The following RBPJ variants were observed in gnomAD, a reference collection of about 807,000 sequenced individuals.
RBPJ encodes recombining binding protein suppressor of hairless.
A neutral mutation model predicts 67.8 loss-of-function variants in RBPJ; 9 were observed. The ratio of observed to expected loss-of-function variants is 0.13; its 90% CI spans 0.08 to 0.23. The LOEUF (loss-of-function observed/expected upper bound fraction) is 0.23, where lower values mean the gene tolerates loss of function less well. Among genes scored for constraint, RBPJ ranks in the 10% least tolerant of loss-of-function variants. The pLI, the probability that RBPJ is intolerant of heterozygous loss-of-function variation, is 1.00. For missense variants in RBPJ, 305 were observed against 595.6 expected (o/e 0.51, Z 5.08); for synonymous variants, 198 against 203.3 (o/e 0.97, Z 0.22).
intron 1 of RBPJ, among the ~76,000 whole-genome samples, chr4:26,301,358 T>C (rs1722068988): frequency 6.6e-6 from 1 of 152,106 alleles, no homozygotes; most frequent in East Asian, 1.9e-4. Flanking sequence ...TTTGGGAGGC[T>C]GAGGTGGGCG....
At chr4:26,409,110 G>A (rs1480551829) in intron 3 of RBPJ, among the ~76,000 whole-genome samples, 1 of 152,184 alleles carries the variant, frequency 6.6e-6, no homozygotes, top group African/African-American at 2.4e-5. Flanking sequence ...TGGCTATTGT[G>A]TGCTAGGTTT....
At chr4:26,287,598 G>A (rs1399856500) in intron 1 of RBPJ, among the ~76,000 whole-genome samples, 226 of 10,230 alleles carry the variant, frequency 0.022, 18 homozygotes, top group African/African-American at 0.088. Context: ...GGAGAGGGGA[G>A]GGGAGGGGAG....
intron 1 of RBPJ, among the ~76,000 whole-genome samples, chr4:26,165,013 C>T: frequency 6.6e-6 from 1 of 151,988 alleles, no homozygotes; most frequent in East Asian, 1.9e-4. Context: ...TAGTATTATA[C>T]TGTATTTAGC....
intron 2 of RBPJ, among the ~76,000 whole-genome samples, chr4:26,392,298 A>C (rs935420215): frequency 2.6e-5 from 4 of 152,236 alleles, no homozygotes; most frequent in African/African-American, 9.6e-5. Flanking sequence ...CATATGGCCT[A>C]GTTATTCCAT....
chr4:26,255,684 C>G (rs146636488), intron 1 of RBPJ, among the ~76,000 whole-genome samples: 2,280 of 151,488 alleles, frequency 0.015, 81 homozygotes, highest in African/African-American at 0.052. Context: ...TGCCTGTAGT[C>G]CCAGCTACGC....
chr4:26,172,437 G>A (rs4315771), intron 1 of RBPJ, among the ~76,000 whole-genome samples: 48,628 of 152,046 alleles, frequency 0.32, 8,592 homozygotes, highest in East Asian at 0.5. Flanking sequence ...TGCCACGGGC[G>A]ATCTAGCAGC....
chr4:26,431,184 TAAAAAAAAAAAAAA>T lies in RBPJ; in HGVS notation c.*191_*204del, dbSNP rs897964346. 1.5e-4 allele frequency: 6 copies of T among 40,798 alleles called. No individual in the cohort carries two copies. Among genetic ancestry groups the T allele is most frequent in the Middle Eastern group, 0.016 (1 of 64 alleles). 2.5% of individuals were successfully genotyped at this position (40,798 alleles called of 1,614,324 possible). A position where few individuals can be genotyped will look rare whatever the true frequency, so the allele number is the denominator to read the frequency against. On this transcript the variant is annotated 3_prime_UTR_variant, in exon 11 of 11. Transcript: ENST00000355476. ...CTGATTTGAAATGCAGAAGCCACAG[TAAAAAAAAAAAAAA>T]AAAAAAAAAAAAAGAAAAAAAAATC... is the stretch of plus-strand genomic sequence containing the variant.
At chr4:26,407,279 A>G (rs1424194973) in intron 3 of RBPJ, among the ~76,000 whole-genome samples, 2 of 152,206 alleles carry the variant, frequency 1.3e-5, no homozygotes, top group Non-Finnish European at 2.9e-5. Context: ...TGGAATGATT[A>G]TAAAGAAAAC....
intron 3 of RBPJ, among the ~76,000 whole-genome samples, chr4:26,408,079 C>G (rs116377659): frequency 6.6e-6 from 1 of 151,318 alleles, no homozygotes; most frequent in Admixed American, 6.6e-5. Flanking sequence ...TTCACTATGC[C>G]GTCCAGGCTG....
At chr4:26,289,384 C>CAAAAAAAAAAAAAAAAAAAAAAAAA (rs60159669) in intron 1 of RBPJ, among the ~76,000 whole-genome samples, 8 of 78,334 alleles carry the variant, frequency 1.0e-4, no homozygotes, top group African/African-American at 2.4e-4. Context: ...GACTTGGTCT[C>CAAAAAAAAAAAAAAAAAAAAAAAAA]AAAAAAAAAA....
chr4:26,143,044 A>T, the RBPJ span, among the ~76,000 whole-genome samples: 1 of 152,246 alleles, frequency 6.6e-6, no homozygotes, highest in Non-Finnish European at 1.5e-5. Flanking sequence ...GGCCTCCCAA[A>T]GTGCTGGGAT....
upstream of RBPJ, among the ~76,000 whole-genome samples, chr4:26,316,655 G>GATATATATATACACATATAGAT (rs1560258695): frequency 9.1e-6 from 1 of 110,286 alleles, no homozygotes; most frequent in African/African-American, 4.1e-5. Context: ...TACACATATT[G>GATATATATATACACATATAGAT]ATATATATAT....
chr4:26,321,963 C>T (rs545459227), intron 1 of RBPJ: 1 of 152,224 alleles, frequency 6.6e-6, no homozygotes, highest in African/African-American at 2.4e-5. Flanking sequence ...CCCTCCCGCC[C>T]CCCTATCGCC....
rs1007691621 is a variant in RBPJ at position 26,409,891 on chromosome 4, C to G, written c.155+3621C>G. 1.8e-4 allele frequency among the ~76,000 whole-genome samples: 28 copies of G among 152,080 alleles called. 1 individual carries two copies. Among genetic ancestry groups the G allele is most frequent in the Non-Finnish European group, 3.2e-4 (22 of 68,028 alleles). ...TTAACAATCTAAGCTTTGAAGTCCT[C>G]TAAAAAATGAACAAAAATGATGAAA... is the stretch of plus-strand genomic sequence containing the variant. On this transcript the variant is annotated intron_variant, in intron 3 of 10. Coordinates refer to ENST00000355476, the MANE Select transcript of RBPJ (RefSeq NM_015874.6).
intron 1 of RBPJ, among the ~76,000 whole-genome samples, chr4:26,351,479 C>T (rs1184580411): frequency 1.3e-4 from 20 of 152,180 alleles, no homozygotes; most frequent in Admixed American, 1.2e-3. Flanking sequence ...CTTGCAGGCT[C>T]AGGCAATCCT....
chr4:26,345,269 T>C (rs1023015145), intron 1 of RBPJ, among the ~76,000 whole-genome samples: 4 of 152,254 alleles, frequency 2.6e-5, no homozygotes, highest in African/African-American at 9.6e-5. Context: ...GATCTCTTTG[T>C]GTAACATTTA....
At chr4:26,188,010 G>A (rs562196951) in intron 1 of RBPJ, among the ~76,000 whole-genome samples, 52 of 152,252 alleles carry the variant, frequency 3.4e-4, no homozygotes, top group Non-Finnish European at 6.5e-4. Context: ...CTGGGCAACA[G>A]AGCGAGACTC....
chr4:26,269,036 A>T (rs186492850), intron 1 of RBPJ, among the ~76,000 whole-genome samples: 1 of 152,144 alleles, frequency 6.6e-6, no homozygotes, highest in African/African-American at 2.4e-5. Flanking sequence ...CAACTGGCAA[A>T]TGCATGTGCT....
chr4:26,412,440 C>T (rs905436178), intron 3 of RBPJ, among the ~76,000 whole-genome samples: 18 of 152,184 alleles, frequency 1.2e-4, no homozygotes, highest in African/African-American at 4.3e-4. Context: ...CTATGTTGGC[C>T]GGTCTGGTCT....
Sources: gnomAD v4.1 joint callset for allele counts (sites outside exome capture counted in the v4.1 genomes callset) on GRCh38, gnomAD v4.1.1 for gene constraint, MANE v1.5 for transcripts, NCBI Gene and HGNC (gene_info 2026-07-23, HGNC 2026-07-21) for gene names.